Variants in TAF1B observed in about 807,000 individuals in gnomAD.
TAF1B encodes TATA box-binding protein-associated factor RNA polymerase I subunit B.
Under a neutral mutation model 83.9 loss-of-function variants are expected in TAF1B, and 61 were observed. The observed-to-expected ratio is 0.73, with a 90% CI of 0.59 to 0.90. The LOEUF is 0.90. Ranked by LOEUF, TAF1B falls within the 40% of genes least tolerant of loss-of-function variation. TAF1B has a pLI of 0.00. For missense variants in TAF1B, 625 were observed against 677.0 expected (o/e 0.92, Z 0.85); for synonymous variants, 221 against 224.6 (o/e 0.98, Z 0.14).
Position 9,919,082 on chromosome 2 carries a change from T to C in TAF1B, c.1313T>C (p.Val438Ala). 2 of 1,614,212 alleles carry C rather than the reference T, an allele frequency of 1.2e-6. No individual in the cohort carries two copies. The highest frequency in any genetic ancestry group is 1.7e-6 in the Non-Finnish European group (2 of 1,180,040). ...KSEKPLYYSFVDKPVAYKKRE... is the reference protein window; with the variant it reads ...KSEKPLYYSFADKPVAYKKRE... ...GAAAAGCCACTCTACTACTCATTTG[T>C]CGACAAACCAGTAGCATATAAAAAA... Residue 438 changes from valine (V) to alanine (A), a missense_variant, in exon 13 of 15, where the codon GTC (valine) becomes GCC (alanine). Transcript: ENST00000263663.
intron 8 of TAF1B, among the ~76,000 whole-genome samples, chr2:9,893,783 C>T (rs1664940111): frequency 7.3e-6 from 1 of 136,824 alleles, no homozygotes; most frequent in Non-Finnish European, 1.6e-5. Context: ...TAACAATGAG[C>T]AAAATTCAGT....
intron 14 of TAF1B, among the ~76,000 whole-genome samples, chr2:9,923,506 CCT>C: frequency 6.6e-6 from 1 of 152,062 alleles, no homozygotes; most frequent in East Asian, 1.9e-4. Flanking sequence ...TGGAGAAACC[CCT>C]GTCTCTACTA....
Position 9,904,989 on chromosome 2 carries a change from T to A in TAF1B, c.938T>A (p.Met313Lys). 1 of 1,612,426 alleles carries A rather than the reference T, an allele frequency of 6.2e-7. No individual in the cohort carries two copies. Among genetic ancestry groups the A allele is most frequent in the Non-Finnish European group, 8.5e-7 (1 of 1,178,630 alleles). ...AACATACTGTGTATGAAATACTTGA[T>A]GGAAGTCAACCTCCCTGGTAAGTGT... The part of the protein sequence containing the change: ...HPNILCMKYL[M>K]EVNLPDEMHS... The change falls in exon 9 of 15, where the codon ATG (methionine) becomes AAG (lysine). Residue 313 changes from methionine to lysine, a missense_variant. By Grantham distance (95) the Met-to-Lys change is moderately conservative (BLOSUM62 -1). Transcript: ENST00000263663.
intron 5 of TAF1B, among the ~76,000 whole-genome samples, 190 bp from the exon 6 acceptor site, chr2:9,868,086 A>G (rs1664050949): frequency 6.6e-6 from 1 of 151,886 alleles, no homozygotes; most frequent in South Asian, 2.1e-4. Context: ...CTTGTCTGTG[A>G]CTCCTCTCCA....
chr2:9,934,117 T>C lies in TAF1B; in HGVS notation c.*133T>C, dbSNP rs894729614. ...AGACTCTGACACATATTTACATATA[T>C]ATCAAGTGTGCTTAGAAAAATGTAT... On this transcript the variant is annotated 3_prime_UTR_variant, in exon 15 of 15. Transcript: ENST00000263663. 2 of 715,774 alleles carry C rather than the reference T, an allele frequency of 2.8e-6. No individual in the cohort carries two copies. The highest frequency in any genetic ancestry group is 1.8e-5 in the African/African-American group (1 of 56,032). 44.3% of individuals were successfully genotyped at this position (715,774 alleles called of 1,614,324 possible).
intron 8 of TAF1B, among the ~76,000 whole-genome samples, chr2:9,883,685 C>T (rs1203844513): frequency 6.6e-6 from 1 of 152,144 alleles, no homozygotes; most frequent in Non-Finnish European, 1.5e-5. Flanking sequence ...AAACACAGAG[C>T]TGGCAGAGAA....
chr2:9,888,419 G>C (rs1339614424), intron 8 of TAF1B, among the ~76,000 whole-genome samples: 1 of 151,456 alleles, frequency 6.6e-6, no homozygotes, highest in African/African-American at 2.4e-5. Context: ...TTTTTATTTA[G>C]ATCCCAATTT....
intron 6 of TAF1B, among the ~76,000 whole-genome samples, chr2:9,875,406 A>G (rs1181889082): frequency 1.3e-5 from 2 of 152,214 alleles, no homozygotes; most frequent in South Asian, 2.1e-4. Flanking sequence ...TTTTAAGATA[A>G]TTGTATTAGT....
At chr2:9,913,028 A>G (rs2125173970) in intron 11 of TAF1B, 131 bp from the exon 12 acceptor site, 4 of 653,908 alleles carry the variant, frequency 6.1e-6, no homozygotes, top group South Asian at 4.9e-5. Context: ...TTGTCTCTCT[A>G]ATGTCTACAT....
chr2:9,860,190 T>C (rs1663706324), intron 5 of TAF1B, among the ~76,000 whole-genome samples: 1 of 152,136 alleles, frequency 6.6e-6, no homozygotes, highest in African/African-American at 2.4e-5. Context: ...GGGATTACAA[T>C]TCAAGATGAG....
At chr2:9,865,686 T>C (rs1180526535) in intron 5 of TAF1B, among the ~76,000 whole-genome samples, 1 of 151,824 alleles carries the variant, frequency 6.6e-6, no homozygotes, top group East Asian at 1.9e-4. Flanking sequence ...CTTCAAACTA[T>C]ACTACAAGGC....
rs1284158458 is a variant in TAF1B, at chr2:9,868,374, TCA to T, written c.499_500del (p.Gln167ValfsTer2). On this transcript the variant is annotated frameshift_variant, in exon 6 of 15. Coordinates refer to ENST00000263663, the MANE Select transcript of TAF1B (RefSeq NM_005680.3). LOFTEE classifies it high-confidence loss of function. ...PPFLESGAES[Q>X]SDIHTRKPFP... The stretch of plus-strand genomic sequence containing the variant: ...CTTTTCTTGAAAGTGGAGCGGAGTC[TCA>T]GTCTGACATCCACACTCGAAAACCT... The T allele has an allele frequency of 1.2e-6, 2 of 1,614,110 alleles. No individual in the cohort carries two copies. Among genetic ancestry groups the T allele is most frequent in the South Asian group, 2.2e-5 (2 of 91,076 alleles).
At chr2:9,852,013 G>T in intron 4 of TAF1B, 1 of 475,948 alleles carries the variant, frequency 2.1e-6, no homozygotes, top group Non-Finnish European at 4.3e-6. Context: ...AAATCGTTTG[G>T]TGTATGTACA....
intron 5 of TAF1B, among the ~76,000 whole-genome samples, chr2:9,868,031 AAGG>A (rs1030921391): frequency 3.3e-5 from 5 of 152,212 alleles, no homozygotes; most frequent in Non-Finnish European, 7.3e-5. Flanking sequence ...TTCATGGAAG[AAGG>A]AGACCTGATG....
At chr2:9,867,206 A>C (rs948534916) in intron 5 of TAF1B, among the ~76,000 whole-genome samples, 1 of 152,228 alleles carries the variant, frequency 6.6e-6, no homozygotes, top group Non-Finnish European at 1.5e-5. Context: ...CTTTGAACAG[A>C]TATCTTTGAG....
chr2:9,860,096 C>T (rs1316533603), intron 5 of TAF1B, among the ~76,000 whole-genome samples: 1 of 152,150 alleles, frequency 6.6e-6, no homozygotes, highest in Non-Finnish European at 1.5e-5. Flanking sequence ...CTCATGAGAA[C>T]TCCCTCACTA....
intron 8 of TAF1B, among the ~76,000 whole-genome samples, chr2:9,898,141 C>G (rs776094032): frequency 6.6e-5 from 10 of 152,152 alleles, no homozygotes; most frequent in Non-Finnish European, 1.5e-4. Flanking sequence ...CCGGCATATT[C>G]TGTTTTCTGG....
intron 12 of TAF1B, among the ~76,000 whole-genome samples, chr2:9,913,916 G>C (rs972070430): frequency 6.6e-6 from 1 of 152,058 alleles, no homozygotes; most frequent in African/African-American, 2.4e-5. Flanking sequence ...TGAAGAAAAA[G>C]GTAACATCTC....
Position 9,851,830 on chromosome 2 carries a change from C to T in TAF1B, c.303+192C>T, listed in dbSNP as rs995662272. The T allele has an allele frequency of 2.2e-5, 14 of 646,660 alleles. 1 individual carries two copies. The South Asian group carries it at 2.3e-4, about 11-fold the overall frequency. The allele number at this position is 646,660 out of a possible 1,614,324, so 40.1% of individuals were successfully genotyped here. A position where few individuals can be genotyped will look rare whatever the true frequency, so the allele number is the denominator to read the frequency against. On this transcript the variant is annotated intron_variant, in intron 4 of 14. Coordinates refer to ENST00000263663, the MANE Select transcript of TAF1B (RefSeq NM_005680.3). ...GTGTGTTCTACAGGATGTAAATAAG[C>T]AATACATCCAAAAGAAAAATTTAAA...
Sources: allele counts gnomAD v4.1 joint callset (sites outside exome capture counted in the v4.1 genomes callset), GRCh38; gene constraint gnomAD v4.1.1; transcripts MANE v1.5; gene names NCBI Gene and HGNC (gene_info 2026-07-23, HGNC 2026-07-21).